Variants in NIM1K observed in about 807,000 individuals in gnomAD.
NIM1K encodes serine/threonine-protein kinase NIM1.
In NIM1K, 35 loss-of-function variants were observed where a neutral mutation model predicts 37.1. The observed-to-expected ratio is 0.94, with a 90% CI of 0.72 to 1.25. The LOEUF (loss-of-function observed/expected upper bound fraction) is 1.25, where lower values mean the gene tolerates loss of function less well. Ranked by LOEUF, NIM1K falls within the 50% of genes most tolerant of loss-of-function variation. NIM1K has a pLI of 0.00. For missense variants in NIM1K, 564 were observed against 548.0 expected (o/e 1.03, Z -0.29); for synonymous variants, 234 against 206.6 (o/e 1.13, Z -1.14).
intron 1 of NIM1K, among the ~76,000 whole-genome samples, chr5:43,204,945 G>A (rs1313558731): frequency 6.6e-6 from 1 of 152,140 alleles, no homozygotes; most frequent in Non-Finnish European, 1.5e-5. Context: ...GCAGTGAGCT[G>A]TGATTGCACC....
intron 2 of NIM1K, among the ~76,000 whole-genome samples, chr5:43,253,230 G>GAATATAA (rs1752895658): frequency 6.8e-6 from 1 of 146,604 alleles, no homozygotes; most frequent in African/African-American, 2.5e-5. Context: ...GTGTGTGTGT[G>GAATATAA]TGTGTGTGTG....
intron 2 of NIM1K, 121 bp from the exon 3 acceptor site, chr5:43,276,934 GCT>G (rs1372380618): frequency 2.2e-6 from 2 of 924,916 alleles, no homozygotes; most frequent in Admixed American, 4.4e-5. Flanking sequence ...TCCCTGATGA[GCT>G]CTCTCAGCTT....
chr5:43,278,783 G>C (rs1219144496), intron 3 of NIM1K, among the ~76,000 whole-genome samples: 2 of 152,176 alleles, frequency 1.3e-5, no homozygotes, highest in Non-Finnish European at 2.9e-5. Context: ...CTGTGGCCTA[G>C]AGGGCCCAAA....
intron 2 of NIM1K, among the ~76,000 whole-genome samples, chr5:43,269,308 C>CACA (rs1753218483): frequency 1.8e-5 from 1 of 55,700 alleles, no homozygotes; most frequent in South Asian, 9.7e-4. Context: ...GACTTCATCT[C>CACA]AAAAAAAAAA....
At chr5:43,252,062 T>C (rs541220110) in intron 2 of NIM1K, among the ~76,000 whole-genome samples, 26 of 152,140 alleles carry the variant, frequency 1.7e-4, no homozygotes, top group Admixed American at 1.3e-3. Flanking sequence ...CCGAGAAGTT[T>C]CTACAAGCCG....
chr5:43,239,823 C>T (rs1396131587), intron 1 of NIM1K, among the ~76,000 whole-genome samples: 2 of 152,044 alleles, frequency 1.3e-5, no homozygotes, highest in Admixed American at 1.3e-4. Context: ...TTGTAACTTT[C>T]CTCCTCTTAT....
intron 2 of NIM1K, among the ~76,000 whole-genome samples, chr5:43,275,490 C>A (rs140213618): frequency 2.3e-3 from 349 of 152,276 alleles, no homozygotes; most frequent in African/African-American, 7.8e-3. Flanking sequence ...TACCAAAGTG[C>A]AATCCAGAAC....
chr5:43,198,183 CTTTCTT>C (rs1232535357), intron 1 of NIM1K, among the ~76,000 whole-genome samples: 2 of 71,332 alleles, frequency 2.8e-5, no homozygotes, highest in African/African-American at 5.4e-5. Flanking sequence ...TTCTTTCTTT[CTTTCTT>C]TCTTTCTTTC....
chr5:43,198,234 TTTCTTTCTTTCTTTTC>T (rs1751961920), intron 1 of NIM1K, among the ~76,000 whole-genome samples: 2 of 128,126 alleles, frequency 1.6e-5, no homozygotes, highest in African/African-American at 2.9e-5. Context: ...TCTTTCTTTC[TTTCTTTCTTTCTTTTC>T]TTTCTTTCCT....
In NIM1K at chr5:43,245,269, C is replaced by G. The variant is rs1017411921; in HGVS notation, c.-507C>G. On this transcript the variant is annotated 5_prime_UTR_variant, in exon 2 of 4. Transcript: ENST00000326035. Reference sequence around the variant, plus strand: ...AGGTCTCCAGCGCCCTGCAGCTTGACAGAAAGAGAAGCATGAAATGAAGGT... The same window carrying G: ...AGGTCTCCAGCGCCCTGCAGCTTGAGAGAAAGAGAAGCATGAAATGAAGGT... The G allele has an allele frequency of 6.6e-6, 1 of 152,356 alleles. No homozygotes were observed. The highest frequency in any genetic ancestry group is 2.4e-5 in the African/African-American group (1 of 41,450). The allele number at this position is 152,356 out of a possible 1,614,324, so 9.4% of individuals were successfully genotyped here.
chr5:43,241,460 C>G (rs1019392746), intron 1 of NIM1K, among the ~76,000 whole-genome samples: 1 of 151,618 alleles, frequency 6.6e-6, no homozygotes, highest in Non-Finnish European at 1.5e-5. Context: ...TTGCCTCAGC[C>G]TCCTGAGTAG....
chr5:43,196,322 G>A (rs181872241), intron 1 of NIM1K, among the ~76,000 whole-genome samples: 118 of 152,272 alleles, frequency 7.7e-4, no homozygotes, highest in African/African-American at 2.7e-3. Flanking sequence ...CTAATTTTAT[G>A]AGAGTATATT....
chr5:43,254,676 G>A (rs577691046), intron 2 of NIM1K, among the ~76,000 whole-genome samples: 10 of 152,318 alleles, frequency 6.6e-5, no homozygotes, highest in Non-Finnish European at 1.5e-4. Flanking sequence ...TGGAGGACAG[G>A]GCTAGAGCAC....
Position 43,280,361 on chromosome 5 carries a change from G to T in NIM1K, c.943G>T (p.Gly315Ter), listed in dbSNP as rs767108153. ...TCAGCAGATCCCCACGGAGAGGTAC[G>T]GAATCGACTGCATCATGAATGATGA... ...VLQQIPTERY[G>*]IDCIMNDEWM... is the part of the protein sequence containing the mutation. Residue 315 changes from glycine (G) to a stop codon, truncating the protein, a stop_gained, in exon 4 of 4, where the codon GGA (glycine) becomes TGA (stop). Coordinates refer to ENST00000326035, the MANE Select transcript of NIM1K (RefSeq NM_153361.4). LOFTEE classifies it high-confidence loss of function. 1.9e-6 allele frequency: 3 copies of T among 1,614,132 alleles called. No individual in the cohort carries two copies. Among genetic ancestry groups the T allele is most frequent in the Non-Finnish European group, 2.5e-6 (3 of 1,180,040 alleles).
At chr5:43,233,032 G>T in intron 1 of NIM1K, 1 of 1,257,496 alleles carries the variant, frequency 8.0e-7, no homozygotes, top group Non-Finnish European at 1.2e-6. Flanking sequence ...GCTGTTGAAG[G>T]AGTCATCTCC....
At chr5:43,275,232 A>G (rs1285016869) in intron 2 of NIM1K, among the ~76,000 whole-genome samples, 1 of 152,184 alleles carries the variant, frequency 6.6e-6, no homozygotes, top group Non-Finnish European at 1.5e-5. Context: ...TGTATAGTGG[A>G]CATCTTTTCA....
intron 2 of NIM1K, among the ~76,000 whole-genome samples, chr5:43,263,403 A>G (rs527529013): frequency 0.032 from 4,861 of 152,008 alleles, 287 homozygotes; most frequent in African/African-American, 0.11. Flanking sequence ...GCAGAGTGGT[A>G]TTTATAGTTT....
rs935383511 is a variant in NIM1K, at chr5:43,280,175, G to C, written c.757G>C (p.Asp253His). ...RDEHYIGIYV[D>H]IWALGVLLYF... is the part of the protein sequence containing the mutation. ...CGAGCACTACATCGGCATTTACGTG[G>C]ATATCTGGGCCTTGGGGGTGCTTTT... Residue 253 changes from aspartate (D) to histidine (H), a missense_variant, in exon 4 of 4, where the codon GAT becomes CAT. By Grantham distance (81) the Asp-to-His change is moderately conservative. Transcript: ENST00000326035. 1 of 1,614,164 alleles carries C rather than the reference G, an allele frequency of 6.2e-7. No homozygotes were observed. Among genetic ancestry groups the C allele is most frequent in the Non-Finnish European group, 8.5e-7 (1 of 1,180,034 alleles).
intron 2 of NIM1K, among the ~76,000 whole-genome samples, chr5:43,264,979 G>A (rs1238934957): frequency 3.3e-5 from 5 of 152,142 alleles, no homozygotes; most frequent in African/African-American, 9.7e-5. Context: ...AGTTTCTGCC[G>A]AGAGATCTGC....
Sources: gnomAD v4.1 joint callset for allele counts (sites outside exome capture counted in the v4.1 genomes callset) on GRCh38, gnomAD v4.1.1 for gene constraint, MANE v1.5 for transcripts, NCBI Gene and HGNC (gene_info 2026-07-23, HGNC 2026-07-21) for gene names.